GRIA1: variants seen among roughly 807,000 people sequenced by gnomAD.
GRIA1 encodes the protein glutamate receptor 1.
In GRIA1, 31 loss-of-function variants were observed where a neutral mutation model predicts 99.2. The ratio of observed to expected loss-of-function variants is 0.31; its 90% CI spans 0.23 to 0.42. The LOEUF (loss-of-function observed/expected upper bound fraction) is 0.42. Among genes scored for constraint, GRIA1 ranks in the 10% least tolerant of loss-of-function variants. GRIA1 has a pLI of 1.00. For missense variants in GRIA1, 782 were observed against 1,157.5 expected, an observed-to-expected ratio of 0.68 and a Z score of 4.71; for synonymous variants, 438 against 432.4, an observed-to-expected ratio of 1.01 and a Z score of -0.16.
At chr5:153,507,026 G>A (rs1375071779) in intron 2 of GRIA1, among the ~76,000 whole-genome samples, 1 of 152,142 alleles carries the variant, frequency 6.6e-6, no homozygotes, top group Admixed American at 6.5e-5. Context: ...GGGAGGCTGA[G>A]GCACGAGAAT....
At chr5:153,743,184 A>C (rs1460537490) in intron 11 of GRIA1, among the ~76,000 whole-genome samples, 1 of 152,240 alleles carries the variant, frequency 6.6e-6, no homozygotes, top group African/African-American at 2.4e-5. Flanking sequence ...TTTATTGCAG[A>C]CATCGTCAAA....
At chr5:153,567,462 C>T (rs1761739245) in intron 2 of GRIA1, among the ~76,000 whole-genome samples, 1 of 152,140 alleles carries the variant, frequency 6.6e-6, no homozygotes, top group Non-Finnish European at 1.5e-5. Context: ...TTGTAGCTGT[C>T]CTGTGCAAAT....
intron 11 of GRIA1, among the ~76,000 whole-genome samples, chr5:153,760,068 T>A (rs1267971161): frequency 6.6e-6 from 1 of 151,932 alleles, no homozygotes. Context: ...AGGCCATATA[T>A]GAAAAATACA....
chr5:153,798,598 C>T (rs919006381), intron 14 of GRIA1, among the ~76,000 whole-genome samples: 1 of 152,160 alleles, frequency 6.6e-6, no homozygotes, highest in African/African-American at 2.4e-5. Flanking sequence ...TGAAGCTTGG[C>T]CTGAAGTTAG....
chr5:153,674,945 C>G (rs1385291529), intron 6 of GRIA1, among the ~76,000 whole-genome samples: 1 of 152,148 alleles, frequency 6.6e-6, no homozygotes, highest in Admixed American at 6.5e-5. Flanking sequence ...AATACCCAGG[C>G]TTCTTGTACC....
At chr5:153,727,268 C>T (rs1482458739) in intron 11 of GRIA1, among the ~76,000 whole-genome samples, 3 of 152,166 alleles carry the variant, frequency 2.0e-5, no homozygotes, top group African/African-American at 7.2e-5. Context: ...GACAAACCCA[C>T]AGCCAATATC....
chr5:153,569,671 C>A (rs1159463402), intron 2 of GRIA1, among the ~76,000 whole-genome samples: 1 of 152,228 alleles, frequency 6.6e-6, no homozygotes, highest in Non-Finnish European at 1.5e-5. Context: ...AGAGCATCTG[C>A]TGGTAACTTG....
chr5:153,723,505 C>A (rs1021346614), intron 11 of GRIA1, among the ~76,000 whole-genome samples: 2 of 152,230 alleles, frequency 1.3e-5, no homozygotes, highest in South Asian at 2.1e-4. Flanking sequence ...AAAGGGGTGA[C>A]AGATGGCACC....
intron 2 of GRIA1, among the ~76,000 whole-genome samples, chr5:153,529,223 G>T (rs1322805873): frequency 6.6e-6 from 1 of 152,220 alleles, no homozygotes; most frequent in African/African-American, 2.4e-5. Flanking sequence ...TGACAGGGCT[G>T]TCCCTTGAGG....
chr5:153,670,289 C>G (rs1322529930), intron 5 of GRIA1, among the ~76,000 whole-genome samples: 1 of 152,190 alleles, frequency 6.6e-6, no homozygotes, highest in Non-Finnish European at 1.5e-5. Flanking sequence ...CCAAGCTTCA[C>G]TTTAGGTGAG....
At chr5:153,687,291 C>T (rs1338236478) in intron 8 of GRIA1, among the ~76,000 whole-genome samples, 1 of 152,182 alleles carries the variant, frequency 6.6e-6, no homozygotes, top group Non-Finnish European at 1.5e-5. Context: ...ATCCTCAACA[C>T]TGAATCCTGG....
intron 2 of GRIA1, among the ~76,000 whole-genome samples, chr5:153,566,572 C>T (rs1473883281): frequency 6.6e-6 from 1 of 151,512 alleles, no homozygotes; most frequent in African/African-American, 2.4e-5. Context: ...TCCCAAAGTG[C>T]TGGGATTACA....
At chr5:153,529,745 T>C (rs574480763) in intron 2 of GRIA1, among the ~76,000 whole-genome samples, 111 of 152,236 alleles carry the variant, frequency 7.3e-4, no homozygotes, top group African/African-American at 2.6e-3. Flanking sequence ...TTGGGGTAAA[T>C]GGATATCCTG....
At chr5:153,536,773 G>T (rs2113465029) in intron 2 of GRIA1, among the ~76,000 whole-genome samples, 1 of 152,286 alleles carries the variant, frequency 6.6e-6, no homozygotes, top group South Asian at 2.1e-4. Flanking sequence ...ACTAACTTGA[G>T]GTTATGGAGA....
chr5:153,753,570 G>T (rs149529411), intron 11 of GRIA1, among the ~76,000 whole-genome samples: 188 of 152,088 alleles, frequency 1.2e-3, no homozygotes, highest in Non-Finnish European at 2.1e-3. Flanking sequence ...TTAGGTCTCC[G>T]AATTATAGTT....
At chr5:153,551,988 A>G (rs1282670165) in intron 2 of GRIA1, among the ~76,000 whole-genome samples, 1 of 152,168 alleles carries the variant, frequency 6.6e-6, no homozygotes. Context: ...CACATGCTCT[A>G]TTCAGAATGA....
In GRIA1 at chr5:153,490,898, A is replaced by G. The variant is rs1753850619; in HGVS notation, c.10A>G (p.Ile4Val). MQH[I>V]FAFFCTGFLG... ...CAATGCAAAAAGGAATATGCAGCAC[A>G]TTTTTGCCTTCTTCTGCACCGGTTT... is the stretch of plus-strand genomic sequence containing the variant. The change falls in exon 1 of 16, where the codon ATT becomes GTT. Residue 4 changes from isoleucine to valine, a missense_variant. This residue lies in a region of GRIA1 where 461 missense variants were observed against 521.7 expected (regional missense o/e 0.88). Transcript: ENST00000285900. The G allele has an allele frequency of 6.2e-7, 1 of 1,613,802 alleles. No homozygotes were observed.
At chr5:153,605,243 A>G (rs1010420834) in intron 2 of GRIA1, among the ~76,000 whole-genome samples, 4 of 152,166 alleles carry the variant, frequency 2.6e-5, no homozygotes, top group Non-Finnish European at 5.9e-5. Context: ...CAACATTTCA[A>G]TAAGCATCCA....
chr5:153,675,612 C>T (rs1212918476), intron 6 of GRIA1, among the ~76,000 whole-genome samples: 1 of 152,202 alleles, frequency 6.6e-6, no homozygotes, highest in African/African-American at 2.4e-5. Context: ...CTTTCTCTTG[C>T]CACTCAATCC....
Sources: gnomAD v4.1 joint callset for allele counts (sites outside exome capture counted in the v4.1 genomes callset) on GRCh38, gnomAD v4.1.1 for gene constraint, gnomAD v4.1.1 regional missense constraint, MANE v1.5 for transcripts, NCBI Gene and HGNC (gene_info 2026-07-23, HGNC 2026-07-21) for gene names.